The following ERBB4 variants were observed in gnomAD, a reference collection of about 807,000 sequenced individuals.
ERBB4 encodes erb-b2 receptor tyrosine kinase 4.
ERBB4 carries 42 observed loss-of-function variants against 158.0 expected under a neutral mutation model. The observed-to-expected ratio is 0.27, with a 90% CI of 0.21 to 0.34. The LOEUF (loss-of-function observed/expected upper bound fraction) is 0.34, where lower values mean the gene tolerates loss of function less well. Among genes scored for constraint, ERBB4 ranks in the 10% least tolerant of loss-of-function variants. ERBB4 has a pLI of 1.00. For missense variants in ERBB4, 1,333 were observed against 1,624.1 expected, an observed-to-expected ratio of 0.82 and a Z score of 3.08; for synonymous variants, 583 against 558.7, an observed-to-expected ratio of 1.04 and a Z score of -0.61.
At chr2:211,909,078 C>A (rs1475740510) in intron 3 of ERBB4, among the ~76,000 whole-genome samples, 1 of 151,442 alleles carries the variant, frequency 6.6e-6, no homozygotes, top group Non-Finnish European at 1.5e-5. Flanking sequence ...AACAAGTAAG[C>A]TACATACCCT....
chr2:212,057,456 C>T (rs143462670), intron 2 of ERBB4, among the ~76,000 whole-genome samples: 8,069 of 152,248 alleles, frequency 0.053, 268 homozygotes, highest in South Asian at 0.1. Flanking sequence ...GAACTCTCCA[C>T]CCCAAATCAA....
intron 13 of ERBB4, among the ~76,000 whole-genome samples, chr2:211,677,227 G>A (rs1003703858): frequency 1.3e-5 from 2 of 152,076 alleles, no homozygotes; most frequent in African/African-American, 4.8e-5. Flanking sequence ...TGAGGCACAT[G>A]AGGAAATGAA....
chr2:212,300,540 C>A (rs1261575690), intron 1 of ERBB4, among the ~76,000 whole-genome samples: 1 of 151,276 alleles, frequency 6.6e-6, no homozygotes, highest in Non-Finnish European at 1.5e-5. Flanking sequence ...AATATCCCAG[C>A]CTACAAAAAA....
chr2:211,955,554 C>T (rs2081004547), intron 2 of ERBB4, among the ~76,000 whole-genome samples: 1 of 151,906 alleles, frequency 6.6e-6, no homozygotes, highest in African/African-American at 2.4e-5. Flanking sequence ...TGTCTCTGTA[C>T]CTTGAGTTTC....
intron 20 of ERBB4, among the ~76,000 whole-genome samples, chr2:211,454,745 T>C (rs1229530172): frequency 6.6e-6 from 1 of 152,198 alleles, no homozygotes; most frequent in Non-Finnish European, 1.5e-5. Context: ...TTATTTAGTG[T>C]CTGGAAAGAG....
At chr2:211,658,000 G>T in intron 15 of ERBB4, 172 bp from the exon 16 acceptor site, 1 of 1,593,514 alleles carries the variant, frequency 6.3e-7, no homozygotes, top group Non-Finnish European at 8.5e-7. Context: ...TGCACCTGCA[G>T]AAAATGCAAA....
At chr2:211,731,180 T>C (rs72946582) in intron 5 of ERBB4, among the ~76,000 whole-genome samples, 31,290 of 152,094 alleles carry the variant, frequency 0.21, 4,104 homozygotes, top group Non-Finnish European at 0.3. Flanking sequence ...CCAGCAGCTG[T>C]CTGAGTGAAA....
chr2:212,094,247 G>A (rs1043018032), intron 2 of ERBB4, among the ~76,000 whole-genome samples: 1 of 149,536 alleles, frequency 6.7e-6, no homozygotes, highest in African/African-American at 2.4e-5. Flanking sequence ...TGGCTTTAAA[G>A]TATAATAATA....
intron 1 of ERBB4, among the ~76,000 whole-genome samples, chr2:212,289,453 A>G (rs1019052124): frequency 6.6e-6 from 1 of 152,204 alleles, no homozygotes; most frequent in Non-Finnish European, 1.5e-5. Flanking sequence ...ATAATTGCCT[A>G]AATCTCTTTA....
intron 1 of ERBB4, among the ~76,000 whole-genome samples, chr2:212,377,042 C>G (rs1191535653): frequency 6.6e-6 from 1 of 151,762 alleles, no homozygotes; most frequent in Non-Finnish European, 1.5e-5. Flanking sequence ...TTCTCCCCTG[C>G]TTAACTTATT....
rs181448703 is a variant in ERBB4, at chr2:211,595,944, A to G, written c.2301+23233T>C. On this transcript the variant is annotated intron_variant, in intron 19 of 27. Coordinates refer to ENST00000342788, the MANE Select transcript of ERBB4 (RefSeq NM_005235.3). ...AACTGTATGCAAAACAAGAAGAGTT[A>G]ATTTATGCCAACAATATCCAATTAA... is the stretch of plus-strand genomic sequence containing the variant. 6.2e-4 allele frequency among the ~76,000 whole-genome samples: 94 copies of G among 152,312 alleles called. 1 individual carries two copies. The highest frequency in any genetic ancestry group is 1.9e-3 in the African/African-American group (79 of 41,568).
chr2:211,775,830 G>A (rs535754986), intron 4 of ERBB4, among the ~76,000 whole-genome samples: 1 of 152,296 alleles, frequency 6.6e-6, no homozygotes, highest in African/African-American at 2.4e-5. Flanking sequence ...CATAGAAAAT[G>A]TAGCCCATTT....
At chr2:212,298,372 T>C (rs6730486) in intron 1 of ERBB4, among the ~76,000 whole-genome samples, 1 of 151,558 alleles carries the variant, frequency 6.6e-6, no homozygotes. Flanking sequence ...TATTTGCTAT[T>C]TTCTAACTTT....
At chr2:211,987,051 T>C (rs1312210022) in intron 2 of ERBB4, among the ~76,000 whole-genome samples, 1 of 152,150 alleles carries the variant, frequency 6.6e-6, no homozygotes, top group Admixed American at 6.5e-5. Flanking sequence ...GTGGGTGCAG[T>C]GGCTCACACG....
intron 2 of ERBB4, among the ~76,000 whole-genome samples, chr2:211,955,510 A>C (rs2081003641): frequency 6.6e-6 from 1 of 152,212 alleles, no homozygotes; most frequent in African/African-American, 2.4e-5. Flanking sequence ...CACTAGAGTT[A>C]GGTTTGTAAA....
chr2:212,492,074 A>G (rs1690309895), intron 1 of ERBB4, among the ~76,000 whole-genome samples: 1 of 151,574 alleles, frequency 6.6e-6, no homozygotes, highest in South Asian at 2.1e-4. Flanking sequence ...AGCAGAGAAC[A>G]AAAATAACGT....
At chr2:211,813,546 T>C (rs2076807912) in intron 3 of ERBB4, among the ~76,000 whole-genome samples, 1 of 152,240 alleles carries the variant, frequency 6.6e-6, no homozygotes, top group Admixed American at 6.5e-5. Context: ...CCCTACATTT[T>C]CTATCCCGTT....
chr2:212,279,195 C>T (rs2085660382), intron 1 of ERBB4, among the ~76,000 whole-genome samples: 1 of 151,420 alleles, frequency 6.6e-6, no homozygotes, highest in Admixed American at 6.6e-5. Context: ...TCCATTTGAA[C>T]TGAATTTCTC....
intron 20 of ERBB4, among the ~76,000 whole-genome samples, chr2:211,504,873 A>G (rs954428064): frequency 1.3e-5 from 2 of 152,188 alleles, no homozygotes; most frequent in Non-Finnish European, 2.9e-5. Context: ...CTTGAAGACT[A>G]GTTTTCAAAT....
Sources: allele counts gnomAD v4.1 joint callset (sites outside exome capture counted in the v4.1 genomes callset), GRCh38; gene constraint gnomAD v4.1.1; transcripts MANE v1.5; gene names NCBI Gene and HGNC (gene_info 2026-07-23, HGNC 2026-07-21).